RBM20: variants seen among roughly 807,000 people sequenced by gnomAD.
RBM20 encodes RNA-binding protein 20.
Under a neutral mutation model 110.1 loss-of-function variants are expected in RBM20, and 51 were observed. The ratio of observed to expected loss-of-function variants is 0.46; its 90% CI spans 0.37 to 0.59. The LOEUF is 0.59. RBM20 is among the 20% of genes least tolerant of loss of function. The pLI is 0.00. For synonymous variants in RBM20, 589 were observed against 618.2 expected, an observed-to-expected ratio of 0.95 and a Z score of 0.70; for missense variants, 1,512 against 1,574.9, an observed-to-expected ratio of 0.96 and a Z score of 0.68.
chr10:110,651,957 AAGAG>A (rs564050068), intron 1 of RBM20, among the ~76,000 whole-genome samples: 84 of 152,360 alleles, frequency 5.5e-4, no homozygotes, highest in Admixed American at 2.3e-3. Flanking sequence ...TCTGCATAAA[AAGAG>A]AGAGAAGTCT....
chr10:110,835,618 A>G (rs1020847580), intron 13 of RBM20: 8 of 279,344 alleles, frequency 2.9e-5, no homozygotes, highest in African/African-American at 1.8e-4. Flanking sequence ...TACAGGTGTG[A>G]GACACCACGC....
intron 1 of RBM20, among the ~76,000 whole-genome samples, chr10:110,726,585 C>T (rs1843562840): frequency 1.3e-5 from 2 of 152,142 alleles, no homozygotes; most frequent in African/African-American, 4.8e-5. Context: ...TGAGGTGGGA[C>T]TAACACCCGC....
intron 1 of RBM20, among the ~76,000 whole-genome samples, chr10:110,769,503 C>A (rs957796715): frequency 6.6e-6 from 1 of 152,100 alleles, no homozygotes; most frequent in Non-Finnish European, 1.5e-5. Flanking sequence ...GTTCCCTGAA[C>A]CTTGAGTGTT....
chr10:110,824,469 T>G (rs1161177531), intron 12 of RBM20, among the ~76,000 whole-genome samples: 1 of 152,206 alleles, frequency 6.6e-6, no homozygotes, highest in Non-Finnish European at 1.5e-5. Context: ...TTTCTGTTCT[T>G]CCTACTTATG....
intron 1 of RBM20, among the ~76,000 whole-genome samples, chr10:110,730,287 C>CA (rs761799100): frequency 1.1e-4 from 17 of 152,348 alleles, no homozygotes; most frequent in Non-Finnish European, 1.8e-4. Flanking sequence ...TGTGCATTAA[C>CA]ATAGCAATGC....
rs1408027717 is a variant in RBM20, at chr10:110,836,290, G to A, written c.*312G>A. 1.1e-5 allele frequency: 2 copies of A among 185,200 alleles called. No homozygotes were observed. Among genetic ancestry groups the A allele is most frequent in the Non-Finnish European group, 2.2e-5 (2 of 89,972 alleles). 11.5% of individuals were successfully genotyped at this position (185,200 alleles called of 1,614,324 possible). On this transcript the variant is annotated 3_prime_UTR_variant, in exon 14 of 14. Transcript: ENST00000369519. ...TCTTTCTCTCCCTCCCTCCTTATGTGCCAAGGATCGTTTCCTTTTCACAAA... is the reference window on the plus strand; with the variant it reads ...TCTTTCTCTCCCTCCCTCCTTATGTACCAAGGATCGTTTCCTTTTCACAAA...
chr10:110,717,776 C>T (rs2134925564), intron 1 of RBM20, among the ~76,000 whole-genome samples: 1 of 152,348 alleles, frequency 6.6e-6, no homozygotes, highest in African/African-American at 2.4e-5. Flanking sequence ...CATGGTCCTA[C>T]TGTGGCTATC....
intron 7 of RBM20, 138 bp from the exon 8 acceptor site, chr10:110,810,245 A>C (rs905197758): frequency 1.5e-6 from 1 of 655,466 alleles, no homozygotes; most frequent in Non-Finnish European, 2.8e-6. Flanking sequence ...CCGTTGGATT[A>C]CACCTTTTGT....
rs1844400442 is a variant in RBM20 at position 110,784,844 on chromosome 10, C to T, written c.1482C>T (p.Phe494=). Residue 494 remains phenylalanine (F), a synonymous_variant, in exon 5 of 14, where the codon TTC becomes TTT. Coordinates refer to ENST00000369519, the MANE Select transcript of RBM20 (RefSeq NM_001134363.3). Reference sequence around the variant, plus strand: ...ACGTGCCCATTCCAGCAAGGTCATTCACTCAGTCAAGCCCCACATTTCCTT... The same window carrying T: ...ACGTGCCCATTCCAGCAAGGTCATTTACTCAGTCAAGCCCCACATTTCCTT... ...TSYVPIPARS[F]TQSSPTFPLA... The T allele has an allele frequency of 1.9e-6, 3 of 1,551,092 alleles. No individual in the cohort carries two copies. Among genetic ancestry groups the T allele is most frequent in the Non-Finnish European group, 2.6e-6 (3 of 1,146,510 alleles).
chr10:110,787,639 C>G (rs1050959980), intron 5 of RBM20, among the ~76,000 whole-genome samples: 1 of 152,244 alleles, frequency 6.6e-6, no homozygotes, highest in South Asian at 2.1e-4. Context: ...CAAGCACAAG[C>G]TATCTGATGA....
At chr10:110,678,867 A>G (rs1006446221) in intron 1 of RBM20, among the ~76,000 whole-genome samples, 1 of 152,230 alleles carries the variant, frequency 6.6e-6, no homozygotes, top group Non-Finnish European at 1.5e-5. Flanking sequence ...TCAGCAATAC[A>G]GAGACTTTTG....
chr10:110,822,271 C>A (rs1844924144), intron 11 of RBM20, among the ~76,000 whole-genome samples: 2 of 152,122 alleles, frequency 1.3e-5, no homozygotes, highest in African/African-American at 4.8e-5. Flanking sequence ...TCAGGAGGAG[C>A]CTCGTGCCTG....
chr10:110,764,958 G>A (rs1193825238), intron 1 of RBM20, among the ~76,000 whole-genome samples: 1 of 152,022 alleles, frequency 6.6e-6, no homozygotes, highest in Non-Finnish European at 1.5e-5. Context: ...TTGTGCATGA[G>A]TATGCGATTT....
chr10:110,810,423 A>G lies in RBM20; in HGVS notation c.1841A>G (p.His614Arg). The G allele has an allele frequency of 6.4e-7, 1 of 1,551,612 alleles. No individual in the cohort carries two copies. The highest frequency in any genetic ancestry group is 8.7e-7 in the Non-Finnish European group (1 of 1,146,922). The change falls in exon 8 of 14, where the codon CAT becomes CGT. Residue 614 changes from histidine to arginine, a missense_variant. His to Arg is a conservative substitution (Grantham distance 29, BLOSUM62 0). Coordinates refer to ENST00000369519, the MANE Select transcript of RBM20 (RefSeq NM_001134363.3). ...KAVAAIIQDIHSQRERDMFRE... is the reference protein window; with the variant it reads ...KAVAAIIQDIRSQRERDMFRE... Reference sequence around the variant, plus strand: ...GTGGCTGCCATCATCCAGGACATCCATTCCCAGAGGGAGAGGGACATGTTC... The same window carrying G: ...GTGGCTGCCATCATCCAGGACATCCGTTCCCAGAGGGAGAGGGACATGTTC...
At chr10:110,799,331 T>C (rs1416272639) in intron 6 of RBM20, among the ~76,000 whole-genome samples, 3 of 152,204 alleles carry the variant, frequency 2.0e-5, no homozygotes, top group African/African-American at 7.2e-5. Flanking sequence ...TTAATAACAA[T>C]GTCTGGTAAC....
At chr10:110,758,645 C>T (rs1315310569) in intron 1 of RBM20, among the ~76,000 whole-genome samples, 2 of 152,052 alleles carry the variant, frequency 1.3e-5, no homozygotes, top group Non-Finnish European at 2.9e-5. Context: ...CACCTGCCGC[C>T]GATGATATGT....
At chr10:110,744,702 A>G (rs932263956) in intron 1 of RBM20, among the ~76,000 whole-genome samples, 1 of 152,256 alleles carries the variant, frequency 6.6e-6, no homozygotes, top group Admixed American at 6.5e-5. Context: ...ATTTCATTTC[A>G]AATGAGTTTA....
Position 110,832,735 on chromosome 10 carries a change from A to G in RBM20, c.3573+1553A>G, listed in dbSNP as rs1317018123. On this transcript the variant is annotated intron_variant, in intron 13 of 13. Coordinates refer to ENST00000369519, the MANE Select transcript of RBM20 (RefSeq NM_001134363.3). ...CTTGGAAACTGAGACCCATAATGTC[A>G]TGGCCTGGGTCACCATGTGCAGAGA... Among the ~76,000 whole-genome samples the G allele has an allele frequency of 2.6e-5, 4 of 152,316 alleles. No individual in the cohort carries two copies. The South Asian group carries it at 6.2e-4, about 24-fold the overall frequency.
chr10:110,776,658 T>A (rs1844268866), intron 1 of RBM20, among the ~76,000 whole-genome samples: 1 of 152,232 alleles, frequency 6.6e-6, no homozygotes, highest in African/African-American at 2.4e-5. Context: ...GTGATTACAT[T>A]GGGCATACCA....
Sources: allele counts gnomAD v4.1 joint callset (sites outside exome capture counted in the v4.1 genomes callset), GRCh38; gene constraint gnomAD v4.1.1; transcripts MANE v1.5; gene names NCBI Gene and HGNC (gene_info 2026-07-23, HGNC 2026-07-21).